Variants in ZNF394 observed in about 807,000 individuals in gnomAD.
ZNF394 encodes the protein zinc finger protein 394.
Under a neutral mutation model 21.8 loss-of-function variants are expected in ZNF394, and 19 were observed. The ratio of observed to expected loss-of-function variants is 0.87; its 90% CI spans 0.61 to 1.28. The LOEUF (loss-of-function observed/expected upper bound fraction) is 1.28. ZNF394 is among the 50% of genes most tolerant of loss of function. The probability of loss-of-function intolerance (pLI) is 0.00; values close to 1 mark genes in which losing one functional copy is unlikely to be tolerated. For missense variants in ZNF394, 683 were observed against 708.6 expected (o/e 0.96, Z 0.41); for synonymous variants, 294 against 273.3 (o/e 1.08, Z -0.75).
At chr7:99,498,519 T>C in intron 2 of ZNF394, 197 bp downstream of exon 2, 1 of 613,458 alleles carries the variant, frequency 1.6e-6, no homozygotes, top group South Asian at 2.2e-5. Flanking sequence ...TTTCTGTATG[T>C]ATAAAACATT....
chr7:99,497,366 G>C (rs1292572100), intron 2 of ZNF394, among the ~76,000 whole-genome samples: 1 of 150,530 alleles, frequency 6.6e-6, no homozygotes, highest in African/African-American at 2.4e-5. Context: ...TTTTTTAGTA[G>C]AGACAGGGTT....
chr7:99,490,639 TTTA>T (rs975794298), downstream of ZNF394, among the ~76,000 whole-genome samples: 8 of 147,582 alleles, frequency 5.4e-5, no homozygotes, highest in African/African-American at 2.1e-4. Context: ...TTTTTTTTTT[TTTA>T]AAAAAAAAGA....
rs543390757 is a variant in ZNF394, at chr7:99,493,342, C to T, written c.*187G>A. 36 of 1,106,208 alleles carry T rather than the reference C, an allele frequency of 3.3e-5. No individual in the cohort carries two copies. Among genetic ancestry groups the T allele is most frequent in the Admixed American group, 2.7e-4 (8 of 29,506 alleles). 68.5% of individuals were successfully genotyped at this position (1,106,208 alleles called of 1,614,324 possible). A position where few individuals can be genotyped will look rare whatever the true frequency, so the allele number is the denominator to read the frequency against. ...CATGATCTCAGCTCACTGCAACTTC[C>T]GCCTCCTGGGTTCAAGTGATTCTCC... On this transcript the variant is annotated 3_prime_UTR_variant, in exon 3 of 3. Coordinates refer to ENST00000337673, the MANE Select transcript of ZNF394 (RefSeq NM_032164.4).
At chr7:99,499,555 G>C in intron 1 of ZNF394, 83 bp downstream of exon 1, 5 of 1,260,000 alleles carry the variant, frequency 4.0e-6, no homozygotes, top group Non-Finnish European at 5.5e-6. Context: ...AATGTAATAA[G>C]GAAGTAAGTT....
At position 99,487,125 on chromosome 7, in the gene ZNF394, G is replaced by C. The variant is rs140805737; in HGVS notation, n.84-162C>G. The C allele has an allele frequency of 1.8e-4, 285 of 1,614,144 alleles. No individual in the cohort carries two copies. The African/African-American group carries it at 3.5e-3, about 20-fold the overall frequency. ...ATTCAACCCTTATTCGACATCAGGTGATCCATAGTGGAGAAAAACGCCATA... is the reference window on the plus strand; with the variant it reads ...ATTCAACCCTTATTCGACATCAGGTCATCCATAGTGGAGAAAAACGCCATA... On this transcript the variant is annotated intron_variant and non_coding_transcript_variant, in intron 1 of 1. Transcript: ENST00000462024.
At chr7:99,499,233 G>A (rs1362162809) in intron 1 of ZNF394, among the ~76,000 whole-genome samples, 4 of 151,706 alleles carry the variant, frequency 2.6e-5, no homozygotes, top group African/African-American at 2.4e-5. Flanking sequence ...AAAATTAGCC[G>A]GGCGTGGTGG....
chr7:99,495,136 C>T (rs1800265178), intron 2 of ZNF394, among the ~76,000 whole-genome samples: 1 of 151,550 alleles, frequency 6.6e-6, no homozygotes, highest in African/African-American at 2.4e-5. Flanking sequence ...AGTGATTCTC[C>T]TGCCTCAGCC....
At chr7:99,497,108 GT>G (rs1368839701) in intron 2 of ZNF394, among the ~76,000 whole-genome samples, 171 of 119,218 alleles carry the variant, frequency 1.4e-3, no homozygotes, top group African/African-American at 6.8e-3. Context: ...GTGTGTGTGT[GT>G]GTGTGTGTGT....
In ZNF394 at chr7:99,493,539, G is replaced by A; in HGVS notation, c.1676C>T (p.Ser559Leu). The change falls in exon 3 of 3, where the codon TCA becomes TTA. Residue 559 changes from serine (S) to leucine (L), a missense_variant. By Grantham distance (145) the Ser-to-Leu change is moderately radical (BLOSUM62 -2). Coordinates refer to ENST00000337673, the MANE Select transcript of ZNF394 (RefSeq NM_032164.4). ...NKVLSAGRGG[S>L]RL ...CCCAAAGTGCTGGGATTATAGGCGT[G>A]AGCCACCACGCCCAGCCGACAGCAC... 6.2e-7 allele frequency: 1 copy of A among 1,602,906 alleles called. No individual in the cohort carries two copies. Among genetic ancestry groups the A allele is most frequent in the South Asian group, 1.1e-5 (1 of 89,132 alleles).
chr7:99,499,309 G>A (rs1480433303), intron 1 of ZNF394, among the ~76,000 whole-genome samples: 2 of 151,608 alleles, frequency 1.3e-5, no homozygotes, highest in African/African-American at 4.8e-5. Context: ...CCGGGAGTCA[G>A]AGGTTGCAGC....
In ZNF394 at chr7:99,497,088, G is replaced by A. The variant is rs1409498217; in HGVS notation, c.583+1628C>T. On this transcript the variant is annotated intron_variant, in intron 2 of 2. Coordinates refer to ENST00000337673, the MANE Select transcript of ZNF394 (RefSeq NM_032164.4). ...TATATATATGTATATACATACATACGTGTGTGTGTGTGTGTGTGTGTGTGT... is the reference window on the plus strand; with the variant it reads ...TATATATATGTATATACATACATACATGTGTGTGTGTGTGTGTGTGTGTGT... Among the ~76,000 whole-genome samples, 8 of 25,348 alleles carry A rather than the reference G, an allele frequency of 3.2e-4. No homozygotes were observed. The South Asian group carries it at 8.1e-3, about 26-fold the overall frequency. The allele number at this position is 25,348 out of a possible 152,430, so 16.6% of individuals were successfully genotyped here.
chr7:99,489,787 T>TA (rs1314854366), downstream of ZNF394, among the ~76,000 whole-genome samples: 1 of 152,216 alleles, frequency 6.6e-6, no homozygotes, highest in Non-Finnish European at 1.5e-5. Context: ...CTCAACAATA[T>TA]AAGAGATCCA....
At chr7:99,497,426 C>T (rs566372013) in intron 2 of ZNF394, among the ~76,000 whole-genome samples, 17 of 151,596 alleles carry the variant, frequency 1.1e-4, no homozygotes, top group South Asian at 2.1e-4. Context: ...ATGATCTGCC[C>T]GCCTCGGCCT....
In ZNF394 at chr7:99,499,962, G is replaced by A; in HGVS notation, c.132C>T (p.Asp44=). The change falls in exon 1 of 3, where the codon GAC becomes GAT. Residue 44 remains aspartate (D), a synonymous_variant. Transcript: ENST00000337673. ...AGTTGGGCTCCCAACTTCCGGGTGAGTCTTCCTCCACTTTCACGGGCAAAA... is the reference window on the plus strand; with the variant it reads ...AGTTGGGCTCCCAACTTCCGGGTGAATCTTCCTCCACTTTCACGGGCAAAA... ...DGLLPVKVEE[D]SPGSWEPNYP... 1 of 1,613,760 alleles carries A rather than the reference G, an allele frequency of 6.2e-7. No homozygotes were observed. Among genetic ancestry groups the A allele is most frequent in the Admixed American group, 1.7e-5 (1 of 60,026 alleles).
chr7:99,500,028 A>C lies in ZNF394; in HGVS notation c.66T>G (p.Ala22=). The C allele has an allele frequency of 6.2e-7, 1 of 1,603,956 alleles. No individual in the cohort carries two copies. Among genetic ancestry groups the C allele is most frequent in the Non-Finnish European group, 8.5e-7 (1 of 1,177,870 alleles). ...SDAELGPWVM[A]ARSKDAAPSQ... is the part of the protein sequence containing the mutation. Reference sequence around the variant, plus strand: ...ACGGCGCCGCGTCCTTGGACCTCGCAGCCATCACCCAGGGTCCCAACTCGG... The same window carrying C: ...ACGGCGCCGCGTCCTTGGACCTCGCCGCCATCACCCAGGGTCCCAACTCGG... The change falls in exon 1 of 3, where the codon GCT becomes GCG. Residue 22 remains alanine (A), a synonymous_variant. Transcript: ENST00000337673.
downstream of ZNF394, among the ~76,000 whole-genome samples, chr7:99,488,272 C>T (rs1800075070): frequency 6.6e-6 from 1 of 151,738 alleles, no homozygotes; most frequent in African/African-American, 2.4e-5. Context: ...TATGGTGTCG[C>T]ATGTCTGTAA....
intron 1 of ZNF394, chr7:99,487,640 C>T (rs147503418): frequency 2.0e-5 from 17 of 843,110 alleles, no homozygotes; most frequent in African/African-American, 6.9e-5. Flanking sequence ...AGTGAAGAAA[C>T]GCTTAAAAGG....
At chr7:99,498,650 G>T (rs1360513813) in intron 2 of ZNF394, 66 bp downstream of exon 2, 1 of 1,604,894 alleles carries the variant, frequency 6.2e-7, no homozygotes, top group Admixed American at 1.7e-5. Context: ...GTGGCTCAGG[G>T]ATGGTAGTGA....
At chr7:99,486,775 T>G (rs1446297968) in exon 2 of ZNF394, 1 of 1,614,184 alleles carries the variant, frequency 6.2e-7, no homozygotes, top group South Asian at 1.1e-5. Context: ...ATCTTTGCTT[T>G]TGGGGCATGA....
Sources: gnomAD v4.1 joint callset for allele counts (sites outside exome capture counted in the v4.1 genomes callset) on GRCh38, gnomAD v4.1.1 for gene constraint, MANE v1.5 for transcripts, NCBI Gene and HGNC (gene_info 2026-07-23, HGNC 2026-07-21) for gene names.